The following STOML2 variants were observed in gnomAD, a reference collection of about 807,000 sequenced individuals.
STOML2 encodes the protein stomatin-like protein 2, mitochondrial.
In STOML2, 22 loss-of-function variants were observed where a neutral mutation model predicts 45.7. The observed-to-expected ratio is 0.48, with a 90% CI of 0.34 to 0.69. The LOEUF (loss-of-function observed/expected upper bound fraction) is 0.69, where lower values mean the gene tolerates loss of function less well. STOML2 is among the 30% of genes least tolerant of loss of function. STOML2 has a pLI of 0.01. For synonymous variants in STOML2, 181 were observed against 182.7 expected, an observed-to-expected ratio of 0.99 and a Z score of 0.08; for missense variants, 359 against 466.9, an observed-to-expected ratio of 0.77 and a Z score of 2.13.
chr9:35,101,214 G>C lies in STOML2; in HGVS notation c.645C>G (p.Ile215Met), dbSNP rs142495898. 6.2e-7 allele frequency: 1 copy of C among 1,614,024 alleles called. No individual in the cohort carries two copies. The highest frequency in any genetic ancestry group is 1.3e-5 in the African/African-American group (1 of 74,900). Residue 215 changes from isoleucine (I) to methionine (M), a missense_variant, in exon 7 of 10, where the codon ATC becomes ATG. Transcript: ENST00000356493. The surrounding 1 kb of genome is among the most constrained non-coding windows in gnomAD (Gnocchi z 4.3). ...LESEGTRESA[I>M]NVAEGKKQAQ... Reference sequence around the variant, plus strand: ...CCTGTTTCTTCCCTTCTGCCACATTGATGGCCGACTCTCGGGTCCCCTCAG... The same window carrying C: ...CCTGTTTCTTCCCTTCTGCCACATTCATGGCCGACTCTCGGGTCCCCTCAG...
chr9:35,101,462 A>G lies in STOML2; in HGVS notation c.543T>C (p.His181=). The stretch of plus-strand genomic sequence containing the variant: ...TAGACTCTTTCACCCGGGGTGGCAC[A>G]TGGATATCCTTGATCTCATAACGGA... ...RCLRYEIKDI[H]VPPRVKESMQ... Residue 181 remains histidine (H), a synonymous_variant, in exon 6 of 10, where the codon CAT becomes CAC. Transcript: ENST00000356493. The surrounding 1 kb of genome is among the most constrained non-coding windows in gnomAD (Gnocchi z 4.3). The G allele has an allele frequency of 6.2e-7, 1 of 1,614,066 alleles. No individual in the cohort carries two copies. The highest frequency in any genetic ancestry group is 8.5e-7 in the Non-Finnish European group (1 of 1,180,014).
Position 35,102,311 on chromosome 9 carries a change from C to T in STOML2, c.184-117G>A. The stretch of plus-strand genomic sequence containing the variant: ...GAACATGCCCAGAAAAGCAGCAGCT[C>T]CTACCAAGAAATAAGTCCTCAGAAG... On this transcript the variant is annotated intron_variant, in intron 2 of 9. Transcript: ENST00000356493. The surrounding 1 kb of genome is among the most constrained non-coding windows in gnomAD (Gnocchi z 4.8). 1.2e-6 allele frequency: 1 copy of T among 861,602 alleles called. No individual in the cohort carries two copies. The highest frequency in any genetic ancestry group is 1.8e-6 in the Non-Finnish European group (1 of 554,804). The allele number at this position is 861,602 out of a possible 1,614,324, so 53.4% of individuals were successfully genotyped here. A position where few individuals can be genotyped will look rare whatever the true frequency, so the allele number is the denominator to read the frequency against.
chr9:35,101,694 G>A lies in STOML2; in HGVS notation c.444+16C>T. 6.2e-7 allele frequency: 1 copy of A among 1,614,028 alleles called. No homozygotes were observed. Among genetic ancestry groups the A allele is most frequent in the South Asian group, 1.1e-5 (1 of 91,076 alleles). On this transcript the variant is annotated intron_variant, in intron 5 of 9. Coordinates refer to ENST00000356493, the MANE Select transcript of STOML2 (RefSeq NM_013442.3). This position sits in a 1 kb window ranked among gnomAD's most constrained non-coding sequence, Gnocchi z 4.3. ...TTTGTGTCTTCAAACCCTAACTCTG[G>A]CTCAGATCTGCTTACCCGGAAGACT...
chr9:35,100,093 T>A lies in STOML2; in HGVS notation c.1013A>T (p.Asp338Val), dbSNP rs1350586867. ...AAGACTTGCATCTGTACCCTGGACA[T>A]CTCTGCTGCTCCCACTGGAGAGTGA... ...PDSLSSGSSR[D>V]VQGTDASLDE... The change falls in exon 10 of 10, where the codon GAT becomes GTT. Residue 338 changes from aspartate to valine, a missense_variant. Asp to Val is a radical substitution (Grantham distance 152). Transcript: ENST00000356493. 2.5e-6 allele frequency: 4 copies of A among 1,614,218 alleles called. No homozygotes were observed. In the East Asian group the frequency reaches 8.9e-5, roughly 36 times the overall value.
Position 35,101,486 on chromosome 9 carries a change from G to C in STOML2, c.519C>G (p.Leu173=). 1 of 1,614,062 alleles carries C rather than the reference G, an allele frequency of 6.2e-7. No homozygotes were observed. The highest frequency in any genetic ancestry group is 8.5e-7 in the Non-Finnish European group (1 of 1,180,018). Residue 173 remains leucine, a synonymous_variant, in exon 6 of 10, where the codon CTC becomes CTG. Coordinates refer to ENST00000356493, the MANE Select transcript of STOML2 (RefSeq NM_013442.3). This position sits in a 1 kb window ranked among gnomAD's most constrained non-coding sequence, Gnocchi z 4.3. ...CATGGATATCCTTGATCTCATAACG[G>C]AGGCAGCGGATACCCCAGCAGTCAG... ...QAADCWGIRC[L]RYEIKDIHVP... is the part of the protein sequence containing the mutation.
At position 35,102,859 on chromosome 9, in the gene STOML2, T is replaced by C. The variant is rs774241531; in HGVS notation, c.46-36A>G. On this transcript the variant is annotated intron_variant, in intron 1 of 9. Coordinates refer to ENST00000356493, the MANE Select transcript of STOML2 (RefSeq NM_013442.3). This position sits in a 1 kb window ranked among gnomAD's most constrained non-coding sequence, Gnocchi z 4.8. ...GAAGAGGGTGAGCAGAGATCCCATC[T>C]GGCCAGACACGCCGCCCCTCGGTCC... 9 of 1,605,784 alleles carry C rather than the reference T, an allele frequency of 5.6e-6. No homozygotes were observed. The highest frequency in any genetic ancestry group is 7.7e-6 in the Non-Finnish European group (9 of 1,175,168).
rs1181001917 is a variant in STOML2, at chr9:35,101,822, C to CA, written c.343-12dup. 1.2e-6 allele frequency: 2 copies of CA among 1,613,940 alleles called. No individual in the cohort carries two copies. The highest frequency in any genetic ancestry group is 1.7e-6 in the Non-Finnish European group (2 of 1,180,024). On this transcript the variant is annotated splice_polypyrimidine_tract_variant and intron_variant, in intron 4 of 9. Coordinates refer to ENST00000356493, the MANE Select transcript of STOML2 (RefSeq NM_013442.3). This position sits in a 1 kb window ranked among gnomAD's most constrained non-coding sequence, Gnocchi z 4.3. ...CACACCGTAGCTTGCCTGAGATGGA[C>CA]ACGGATAGTGTAAGAAGCTTGGGCA...
At position 35,100,242 on chromosome 9, in the gene STOML2, A is replaced by G. The variant is rs73497341; in HGVS notation, c.934-70T>C. On this transcript the variant is annotated intron_variant, in intron 9 of 9. Transcript: ENST00000356493. ...GGTGCAGCCCAGCCTACCAATGGCT[A>G]AACGGGAAAAGATGGCATGGGGGCC... is the stretch of plus-strand genomic sequence containing the variant. 5.0e-5 allele frequency: 79 copies of G among 1,579,588 alleles called. No homozygotes were observed. In the African/African-American group the frequency reaches 8.0e-4, roughly 16 times the overall value.
chr9:35,101,360 G>A lies in STOML2; in HGVS notation c.579+66C>T. The A allele has an allele frequency of 1.2e-6, 2 of 1,608,670 alleles. No homozygotes were observed. Among genetic ancestry groups the A allele is most frequent in the East Asian group, 2.2e-5 (1 of 44,736 alleles). ...CAACTCTACCCATCATAACAGGAGG[G>A]AAGTCTGGATCCTCCTGGTACTGGA... On this transcript the variant is annotated intron_variant, in intron 6 of 9. Coordinates refer to ENST00000356493, the MANE Select transcript of STOML2 (RefSeq NM_013442.3). This position sits in a 1 kb window ranked among gnomAD's most constrained non-coding sequence, Gnocchi z 4.3.
Position 35,101,725 on chromosome 9 carries a change from C to T in STOML2, c.429G>A (p.Leu143=), listed in dbSNP as rs779804644. ...ATCTGCTTACCCGGAAGACTTTGTC[C>T]AGAGAGAGTTTGCCGAGCTCTGATC... ...TMRSELGKLS[L]DKVFRERESL... The change falls in exon 5 of 10, where the codon CTG becomes CTA. Residue 143 remains leucine (L), a synonymous_variant. Transcript: ENST00000356493. The surrounding 1 kb of genome is among the most constrained non-coding windows in gnomAD (Gnocchi z 4.3). The T allele has an allele frequency of 3.7e-6, 6 of 1,613,978 alleles. No homozygotes were observed. The highest frequency in any genetic ancestry group is 5.1e-6 in the Non-Finnish European group (6 of 1,180,030).
Position 35,099,931 on chromosome 9 carries a change from T to C in STOML2, c.*104A>G. On this transcript the variant is annotated 3_prime_UTR_variant, in exon 10 of 10. Transcript: ENST00000356493. ...TGGTGAGTTTATTACACGACTAAAG[T>C]TCAAATAAAAAAATAAAAACCAAAA... The C allele has an allele frequency of 1.4e-6, 2 of 1,436,676 alleles. No individual in the cohort carries two copies. The highest frequency in any genetic ancestry group is 2.6e-5 in the South Asian group (2 of 76,094). The allele number at this position is 1,436,676 out of a possible 1,614,324, so 89.0% of individuals were successfully genotyped here. A position where few individuals can be genotyped will look rare whatever the true frequency, so the allele number is the denominator to read the frequency against.
upstream of STOML2, chr9:35,103,141 G>A: frequency 1.2e-6 from 2 of 1,607,536 alleles, no homozygotes; most frequent in Non-Finnish European, 1.7e-6. Context: ...CGAGCGGAGC[G>A]GTCGCTCCCA....
In STOML2 at chr9:35,101,045, T is replaced by C. The variant is rs1829805558; in HGVS notation, c.725-34A>G. The C allele has an allele frequency of 6.2e-7, 1 of 1,612,538 alleles. No individual in the cohort carries two copies. On this transcript the variant is annotated intron_variant, in intron 7 of 9. Transcript: ENST00000356493. The surrounding 1 kb of genome is among the most constrained non-coding windows in gnomAD (Gnocchi z 4.3). Reference sequence around the variant, plus strand: ...GAAGGGACAGAGCTTGCTTGACCCATGAAGTCAAAGTACCCCAAAGATCCT... The same window carrying C: ...GAAGGGACAGAGCTTGCTTGACCCACGAAGTCAAAGTACCCCAAAGATCCT...
Position 35,102,446 on chromosome 9 carries a change from G to A in STOML2, c.183+240C>T. 1 of 684,450 alleles carries A rather than the reference G, an allele frequency of 1.5e-6. No homozygotes were observed. The highest frequency in any genetic ancestry group is 1.8e-5 in the African/African-American group (1 of 55,444). 42.4% of individuals were successfully genotyped at this position (684,450 alleles called of 1,614,324 possible). ...GAGCCAGCAGAATAGCCATCTCTAT[G>A]CAGACTGAGAGGTAGGGCTGAGAGT... On this transcript the variant is annotated intron_variant, in intron 2 of 9. Coordinates refer to ENST00000356493, the MANE Select transcript of STOML2 (RefSeq NM_013442.3). This position sits in a 1 kb window ranked among gnomAD's most constrained non-coding sequence, Gnocchi z 4.8.
intron 9 of STOML2, 121 bp from the exon 10 acceptor site, chr9:35,100,293 C>G: frequency 7.7e-7 from 1 of 1,295,332 alleles, no homozygotes; most frequent in South Asian, 1.4e-5. Flanking sequence ...CTTTCTCCCT[C>G]TCTCAAACCT....
rs1480026526 is a variant in STOML2 at position 35,100,052 on chromosome 9, G to C, written c.1054C>G (p.Arg352Gly). 9.3e-6 allele frequency: 15 copies of C among 1,614,164 alleles called. No homozygotes were observed. Among genetic ancestry groups the C allele is most frequent in the Non-Finnish European group, 1.3e-5 (15 of 1,180,024 alleles). The stretch of plus-strand genomic sequence containing the variant: ...CAGCTCCACTAACTCATCTTGACTC[G>C]ATCAAGTTCCTCATCAAGACTTGCA... ...TDASLDEELDRVKMS is the reference protein window; with the variant it reads ...TDASLDEELDGVKMS The change falls in exon 10 of 10, where the codon CGA becomes GGA. Residue 352 changes from arginine (R) to glycine (G), a missense_variant. Arg to Gly is a moderately radical substitution (Grantham distance 125, BLOSUM62 -2). This residue lies in a region of STOML2 where 285 missense variants were observed against 422.0 expected (regional missense o/e 0.68). Coordinates refer to ENST00000356493, the MANE Select transcript of STOML2 (RefSeq NM_013442.3).
Position 35,100,718 on chromosome 9 carries a change from A to G in STOML2, c.813T>C (p.Asp271=), listed in dbSNP as rs945572379. 5 of 1,614,128 alleles carry G rather than the reference A, an allele frequency of 3.1e-6. No individual in the cohort carries two copies. The highest frequency in any genetic ancestry group is 4.2e-6 in the Non-Finnish European group (5 of 1,180,030). ...LAAALTQHNG[D]AAASLTVAEQ... ...CGGCCACAGTCAGTGAAGCTGCTGC[A>G]TCTCCATTCTGTGATCACAGGGGGA... The change falls in exon 9 of 10, where the codon GAT becomes GAC. Residue 271 remains aspartate (D), a synonymous_variant. Transcript: ENST00000356493.
rs779870674 is a variant in STOML2, at chr9:35,102,221, G to C, written c.184-27C>G. ...TGGAAAGAGGAGTCATGGGTCCTCA[G>C]AAGGCTGGGAACTATTGGGTTGGGA... On this transcript the variant is annotated intron_variant, in intron 2 of 9. Coordinates refer to ENST00000356493, the MANE Select transcript of STOML2 (RefSeq NM_013442.3). This position sits in a 1 kb window ranked among gnomAD's most constrained non-coding sequence, Gnocchi z 4.8. 6.3e-7 allele frequency: 1 copy of C among 1,598,306 alleles called. No homozygotes were observed. The highest frequency in any genetic ancestry group is 1.1e-5 in the South Asian group (1 of 90,704).
chr9:35,102,834 G>C lies in STOML2; in HGVS notation c.46-11C>G. ...AGCCAGTAGAGAGCCCTGAAGGAAA[G>C]AAGAGGGTGAGCAGAGATCCCATCT... On this transcript the variant is annotated splice_polypyrimidine_tract_variant and intron_variant, in intron 1 of 9. Coordinates refer to ENST00000356493, the MANE Select transcript of STOML2 (RefSeq NM_013442.3). The surrounding 1 kb of genome is among the most constrained non-coding windows in gnomAD (Gnocchi z 4.8). The C allele has an allele frequency of 6.2e-7, 1 of 1,613,622 alleles. No homozygotes were observed. Among genetic ancestry groups the C allele is most frequent in the Non-Finnish European group, 8.5e-7 (1 of 1,179,782 alleles).
Sources: gnomAD v4.1 joint callset for allele counts on GRCh38, gnomAD v4.1.1 for gene constraint, gnomAD v4.1.1 regional missense constraint, Gnocchi (gnomAD v3.1) non-coding constraint, MANE v1.5 for transcripts, NCBI Gene and HGNC (gene_info 2026-07-23, HGNC 2026-07-21) for gene names.